The following SMOC1 variants were observed in gnomAD, a reference collection of about 807,000 sequenced individuals.
SMOC1 encodes SPARC-related modular calcium-binding protein 1.
In SMOC1, 22 loss-of-function variants were observed where a neutral mutation model predicts 56.3. The ratio of observed to expected loss-of-function variants is 0.39; its 90% CI spans 0.28 to 0.56. The LOEUF is 0.56. Ranked by LOEUF, SMOC1 falls within the 20% of genes least tolerant of loss-of-function variation. The probability of loss-of-function intolerance (pLI) is 0.61; values close to 1 mark genes in which losing one functional copy is unlikely to be tolerated. For missense variants in SMOC1, 509 were observed against 565.4 expected, an observed-to-expected ratio of 0.90 and a Z score of 1.01; for synonymous variants, 193 against 215.0, an observed-to-expected ratio of 0.90 and a Z score of 0.89.
chr14:69,974,589 C>T (rs901057323), intron 3 of SMOC1, among the ~76,000 whole-genome samples: 11 of 151,990 alleles, frequency 7.2e-5, no homozygotes, highest in Non-Finnish European at 1.0e-4. Flanking sequence ...TAGATCCCAA[C>T]GCGAATCACT....
rs557945058 is a variant in SMOC1 at position 69,957,250 on chromosome 14, G to T, written c.378+3718G>T. On this transcript the variant is annotated intron_variant, in intron 3 of 11. Transcript: ENST00000361956. ...CTGTGTTGGCTGGAGCTTGGCAAGT[G>T]TGTGCATCACTGAATGACAATGATG... is the stretch of plus-strand genomic sequence containing the variant. Among the ~76,000 whole-genome samples the T allele has an allele frequency of 8.5e-5, 13 of 152,326 alleles. 2 individuals carry two copies. The South Asian group carries it at 2.7e-3, about 32-fold the overall frequency.
intron 1 of SMOC1, among the ~76,000 whole-genome samples, chr14:69,892,623 C>T (rs928421001): frequency 3.9e-5 from 6 of 152,196 alleles, no homozygotes; most frequent in Non-Finnish European, 8.8e-5. Flanking sequence ...ATGAACCACT[C>T]ATGGCCAATC....
chr14:69,961,762 G>A (rs1883389905), intron 3 of SMOC1, among the ~76,000 whole-genome samples: 1 of 152,004 alleles, frequency 6.6e-6, no homozygotes, highest in Admixed American at 6.6e-5. Flanking sequence ...CAATTCTCTT[G>A]GCATATACCT....
intron 1 of SMOC1, chr14:69,885,948 G>A (rs1296246761): frequency 1.3e-5 from 21 of 1,590,506 alleles, no homozygotes; most frequent in Middle Eastern, 2.1e-4. Flanking sequence ...GCTCTCTGCC[G>A]CTGCAACCTG....
At position 69,928,615 on chromosome 14, in the gene SMOC1, TGG is replaced by T. The variant is rs57670974; in HGVS notation, c.100-23514_100-23513del. Among the ~76,000 whole-genome samples, 434 of 148,388 alleles carry T rather than the reference TGG, an allele frequency of 2.9e-3. 2 individuals are homozygous for T. Among genetic ancestry groups the T allele is most frequent in the African/African-American group, 9.5e-3 (383 of 40,404 alleles). ...TGTGCACTACTTTAGAGGTGCTCAT[TGG>T]GGGGGGGGTCCCTTTTCTGCTTCCC... is the stretch of plus-strand genomic sequence containing the variant. On this transcript the variant is annotated intron_variant, in intron 1 of 11. Coordinates refer to ENST00000361956, the MANE Select transcript of SMOC1 (RefSeq NM_001034852.3).
At position 69,992,456 on chromosome 14, in the gene SMOC1, C is replaced by T. The variant is rs568961571; in HGVS notation, c.566C>T (p.Pro189Leu). Residue 189 changes from proline (P) to leucine (L), a missense_variant, in exon 6 of 12, where the codon CCG (proline) becomes CTG (leucine). Physicochemically the swap from Pro to Leu is moderately conservative, Grantham distance 98. Transcript: ENST00000361956. The part of the protein sequence containing the change: ...SKPTPTMETQ[P>L]VFDGDEITAP... Reference sequence around the variant, plus strand: ...CCGACACCCACGATGGAGACCCAGCCGGTGTTCGATGGAGATGGTAAGATC... The same window carrying T: ...CCGACACCCACGATGGAGACCCAGCTGGTGTTCGATGGAGATGGTAAGATC... 31 of 1,613,682 alleles carry T rather than the reference C, an allele frequency of 1.9e-5. No individual in the cohort carries two copies. Among genetic ancestry groups the T allele is most frequent in the African/African-American group, 8.0e-5 (6 of 74,896 alleles).
At chr14:69,881,484 G>T (rs1481020434) in intron 1 of SMOC1, among the ~76,000 whole-genome samples, 1 of 152,100 alleles carries the variant, frequency 6.6e-6, no homozygotes, top group Non-Finnish European at 1.5e-5. Flanking sequence ...GGGAAAGCTA[G>T]GGACTTGAGG....
At chr14:69,930,595 G>C (rs1284151073) in intron 1 of SMOC1, among the ~76,000 whole-genome samples, 1 of 152,174 alleles carries the variant, frequency 6.6e-6, no homozygotes, top group Non-Finnish European at 1.5e-5. Context: ...GGTTTTAGGA[G>C]TAGGAGGTCT....
chr14:69,946,779 CA>C (rs1169643518), intron 1 of SMOC1, among the ~76,000 whole-genome samples: 1 of 152,192 alleles, frequency 6.6e-6, no homozygotes, highest in Non-Finnish European at 1.5e-5. Context: ...ATGTAATCCC[CA>C]ATGTTGGAGG....
chr14:69,920,710 T>C (rs562416976), intron 1 of SMOC1, among the ~76,000 whole-genome samples: 1 of 152,244 alleles, frequency 6.6e-6, no homozygotes, highest in South Asian at 2.1e-4. Flanking sequence ...AATAAAACTT[T>C]ACGTGGGATA....
intron 7 of SMOC1, among the ~76,000 whole-genome samples, chr14:69,997,301 C>G (rs1162798036): frequency 6.6e-6 from 1 of 152,216 alleles, no homozygotes; most frequent in African/African-American, 2.4e-5. Context: ...ATGTCCGGTT[C>G]TGGTGCATGC....
chr14:69,963,961 G>A (rs1883474922), intron 3 of SMOC1, among the ~76,000 whole-genome samples: 1 of 152,090 alleles, frequency 6.6e-6, no homozygotes, highest in Non-Finnish European at 1.5e-5. Flanking sequence ...GATAAGATGA[G>A]GGTGGATGGA....
At chr14:69,962,205 C>G (rs1425397055) in intron 3 of SMOC1, among the ~76,000 whole-genome samples, 1 of 151,988 alleles carries the variant, frequency 6.6e-6, no homozygotes, top group Admixed American at 6.6e-5. Flanking sequence ...CTCTGTCACC[C>G]AGGCTGGAGT....
intron 1 of SMOC1, among the ~76,000 whole-genome samples, chr14:69,919,134 C>T (rs1176820119): frequency 6.6e-6 from 1 of 152,162 alleles, no homozygotes; most frequent in African/African-American, 2.4e-5. Context: ...GTAGAGTCTT[C>T]TTTCCCATGT....
At chr14:69,928,376 C>T (rs1885072605) in intron 1 of SMOC1, among the ~76,000 whole-genome samples, 1 of 152,174 alleles carries the variant, frequency 6.6e-6, no homozygotes, top group Non-Finnish European at 1.5e-5. Context: ...TTTCAGAAGG[C>T]AAAAATGCAG....
chr14:69,941,980 A>G (rs1219656011), intron 1 of SMOC1, among the ~76,000 whole-genome samples: 2 of 152,150 alleles, frequency 1.3e-5, no homozygotes, highest in African/African-American at 4.8e-5. Flanking sequence ...CCTGAAGCAT[A>G]ATAGGTGCTC....
At chr14:69,980,599 G>T (rs1039614381) in intron 5 of SMOC1, among the ~76,000 whole-genome samples, 2 of 152,168 alleles carry the variant, frequency 1.3e-5, no homozygotes, top group Non-Finnish European at 2.9e-5. Flanking sequence ...GACAGGGTGC[G>T]AGAGGGCATT....
rs749118870 is a variant in SMOC1 at position 70,023,455 on chromosome 14, C to A, written c.1291+8C>A. 6.2e-7 allele frequency: 1 copy of A among 1,613,826 alleles called. No individual in the cohort carries two copies. The highest frequency in any genetic ancestry group is 2.2e-5 in the East Asian group (1 of 44,890). ...TGGGTGTTAGCAAAGAAGGTGAGTG[C>A]TCTCCCCTGTGCTCCTGGCCTTTCA... On this transcript the variant is annotated splice_region_variant and intron_variant, in intron 11 of 11. Transcript: ENST00000361956.
intron 1 of SMOC1, among the ~76,000 whole-genome samples, chr14:69,927,152 G>A (rs537036817): frequency 6.6e-6 from 1 of 152,390 alleles, no homozygotes; most frequent in African/African-American, 2.4e-5. Flanking sequence ...TAGAGCTAAG[G>A]ATTTATTGAG....
Sources: gnomAD v4.1 joint callset for allele counts (sites outside exome capture counted in the v4.1 genomes callset) on GRCh38, gnomAD v4.1.1 for gene constraint, MANE v1.5 for transcripts, NCBI Gene and HGNC (gene_info 2026-07-23, HGNC 2026-07-21) for gene names.